ACMSD: variants seen among roughly 807,000 people sequenced by gnomAD.
ACMSD encodes the protein 2-amino-3-carboxymuconate-6-semialdehyde decarboxylase.
Under a neutral mutation model 45.9 loss-of-function variants are expected in ACMSD, and 37 were observed. That is an observed-to-expected ratio of 0.81 (90% CI 0.62 to 1.06). The LOEUF is 1.06. Ranked by LOEUF, ACMSD falls within the 50% of genes least tolerant of loss-of-function variation. ACMSD has a pLI of 0.00. For missense variants in ACMSD, 434 were observed against 420.9 expected, an observed-to-expected ratio of 1.03 and a Z score of -0.27; for synonymous variants, 138 against 148.8, an observed-to-expected ratio of 0.93 and a Z score of 0.53.
At chr2:134,853,167 TAAAAAA>T (rs201350282) in intron 2 of ACMSD, among the ~76,000 whole-genome samples, 1 of 106,560 alleles carries the variant, frequency 9.4e-6, no homozygotes. Context: ...CATCTCAATC[TAAAAAA>T]AAAAAAAAAA....
At chr2:134,853,016 A>G (rs1559042807) in intron 2 of ACMSD, among the ~76,000 whole-genome samples, 2 of 151,988 alleles carry the variant, frequency 1.3e-5, no homozygotes, top group Non-Finnish European at 1.5e-5. Context: ...TACAAAAATT[A>G]GCCAGGTGTG....
At chr2:134,859,425 G>T in intron 3 of ACMSD, 68 bp downstream of exon 3, 2 of 1,491,242 alleles carry the variant, frequency 1.3e-6, no homozygotes, top group Non-Finnish European at 1.9e-6. Flanking sequence ...AAAGTTTGCT[G>T]ACAACTTTAT....
intron 2 of ACMSD, among the ~76,000 whole-genome samples, chr2:134,856,140 C>A (rs1297660682): frequency 6.6e-6 from 1 of 152,202 alleles, no homozygotes; most frequent in African/African-American, 2.4e-5. Context: ...TATCTTATTT[C>A]ATGCTGACAT....
At chr2:134,896,397 T>G (rs1478829751) in intron 8 of ACMSD, among the ~76,000 whole-genome samples, 1 of 152,134 alleles carries the variant, frequency 6.6e-6, no homozygotes, top group Non-Finnish European at 1.5e-5. Context: ...TATTTGCAAA[T>G]CATGTATCTA....
intron 8 of ACMSD, among the ~76,000 whole-genome samples, chr2:134,889,084 T>C (rs959918752): frequency 6.6e-6 from 1 of 152,206 alleles, no homozygotes; most frequent in African/African-American, 2.4e-5. Flanking sequence ...AAATACTTCA[T>C]GTGCATTCTA....
intron 8 of ACMSD, among the ~76,000 whole-genome samples, chr2:134,892,609 G>A (rs1490188867): frequency 6.6e-6 from 1 of 152,086 alleles, no homozygotes; most frequent in East Asian, 1.9e-4. Flanking sequence ...TGCCTGTGTT[G>A]CTCATTAACT....
chr2:134,871,684 C>CAG (rs1442690240), intron 7 of ACMSD, among the ~76,000 whole-genome samples: 2 of 147,052 alleles, frequency 1.4e-5, no homozygotes, highest in African/African-American at 5.0e-5. Context: ...AACAGACAGA[C>CAG]ACACACACAC....
At chr2:134,867,699 A>C in intron 6 of ACMSD, 27 bp downstream of exon 6, 1 of 1,591,740 alleles carries the variant, frequency 6.3e-7, no homozygotes, top group Non-Finnish European at 8.6e-7. Context: ...GGTCTGGAAC[A>C]GAGGACCAAC....
Position 134,867,732 on chromosome 2 carries a change from A to G in ACMSD, c.580+60A>G, listed in dbSNP as rs1182435048. On this transcript the variant is annotated intron_variant, in intron 6 of 9. Coordinates refer to ENST00000356140, the MANE Select transcript of ACMSD (RefSeq NM_138326.3). ...AACTCTTGGGTTTTTCCAATCATCT[A>G]TGGAAACCTATTATGTCAAATAGGG... The G allele has an allele frequency of 1.4e-5, 19 of 1,359,380 alleles. No individual in the cohort carries two copies. The Admixed American group carries it at 2.1e-4, about 15-fold the overall frequency. 84.2% of individuals were successfully genotyped at this position (1,359,380 alleles called of 1,614,324 possible).
At chr2:134,892,094 G>A (rs1407168865) in intron 8 of ACMSD, among the ~76,000 whole-genome samples, 2 of 152,112 alleles carry the variant, frequency 1.3e-5, no homozygotes, top group African/African-American at 4.8e-5. Flanking sequence ...GAGGGTGGAT[G>A]GAGGTGAGGA....
chr2:134,898,448 T>C lies in ACMSD; in HGVS notation c.948+9T>C, dbSNP rs1396651095. 6.4e-7 allele frequency: 1 copy of C among 1,557,216 alleles called. No individual in the cohort carries two copies. ...TTGATGAAGAAACAAAGGTATAATG[T>C]CTTTTACTTCACGGCTTTCTTACTG... On this transcript the variant is annotated intron_variant, in intron 9 of 9. Coordinates refer to ENST00000356140, the MANE Select transcript of ACMSD (RefSeq NM_138326.3).
At chr2:134,879,079 G>A (rs1688900574) in intron 8 of ACMSD, among the ~76,000 whole-genome samples, 1 of 152,082 alleles carries the variant, frequency 6.6e-6, no homozygotes, top group African/African-American at 2.4e-5. Flanking sequence ...TTCTGATTAT[G>A]CCCTGGATTT....
intron 5 of ACMSD, among the ~76,000 whole-genome samples, chr2:134,866,875 G>C (rs1688124314): frequency 6.6e-6 from 1 of 152,212 alleles, no homozygotes; most frequent in South Asian, 2.1e-4. Flanking sequence ...GTCAGTGCCT[G>C]TCTGGCTAAG....
chr2:134,848,477 T>C (rs1369038567), intron 2 of ACMSD, among the ~76,000 whole-genome samples: 1 of 152,210 alleles, frequency 6.6e-6, no homozygotes, highest in Admixed American at 6.5e-5. Context: ...CCATTCTAAC[T>C]GGCATGAGAT....
chr2:134,841,375 T>C (rs1686799015), intron 1 of ACMSD, among the ~76,000 whole-genome samples: 1 of 152,054 alleles, frequency 6.6e-6, no homozygotes, highest in African/African-American at 2.4e-5. Context: ...TCTTGCACAA[T>C]GAAGAGACAG....
intron 8 of ACMSD, among the ~76,000 whole-genome samples, chr2:134,888,571 T>TA (rs1689592632): frequency 6.6e-6 from 1 of 152,126 alleles, no homozygotes; most frequent in South Asian, 2.1e-4. Flanking sequence ...GAAAAAGTGT[T>TA]AAATGTCCAT....
At chr2:134,886,641 C>T (rs1196675077) in intron 8 of ACMSD, among the ~76,000 whole-genome samples, 1 of 152,108 alleles carries the variant, frequency 6.6e-6, no homozygotes, top group Non-Finnish European at 1.5e-5. Context: ...TCATAGCTAT[C>T]CCCATACATA....
At chr2:134,887,272 G>A (rs1331901002) in intron 8 of ACMSD, among the ~76,000 whole-genome samples, 1 of 152,016 alleles carries the variant, frequency 6.6e-6, no homozygotes, top group African/African-American at 2.4e-5. Flanking sequence ...AGAAAAATAA[G>A]TTAAAAACTT....
chr2:134,877,249 A>AC (rs1040509655), intron 8 of ACMSD, among the ~76,000 whole-genome samples: 58 of 152,332 alleles, frequency 3.8e-4, no homozygotes, highest in African/African-American at 1.4e-3. Flanking sequence ...ATTTTATGGG[A>AC]CCACCATCAC....
Sources: allele counts gnomAD v4.1 joint callset (sites outside exome capture counted in the v4.1 genomes callset), GRCh38; gene constraint gnomAD v4.1.1; transcripts MANE v1.5; gene names NCBI Gene and HGNC (gene_info 2026-07-23, HGNC 2026-07-21).